The following MACROD2 variants were observed in gnomAD, a reference collection of about 807,000 sequenced individuals.
MACROD2 encodes ADP-ribose glycohydrolase MACROD2.
In MACROD2, 36 loss-of-function variants were observed where a neutral mutation model predicts 70.4. The observed-to-expected ratio is 0.51, with a 90% CI of 0.39 to 0.68. The LOEUF (loss-of-function observed/expected upper bound fraction) is 0.68, where lower values mean the gene tolerates loss of function less well. Ranked by LOEUF, MACROD2 falls within the 30% of genes least tolerant of loss-of-function variation. The probability of loss-of-function intolerance (pLI) is 0.00; values close to 1 mark genes in which losing one functional copy is unlikely to be tolerated. For synonymous variants in MACROD2, 172 were observed against 178.8 expected, an observed-to-expected ratio of 0.96 and a Z score of 0.30; for missense variants, 496 against 538.4, an observed-to-expected ratio of 0.92 and a Z score of 0.78.
At chr20:15,580,006 T>G (rs1167536710) in intron 8 of MACROD2, among the ~76,000 whole-genome samples, 1 of 152,218 alleles carries the variant, frequency 6.6e-6, no homozygotes, top group African/African-American at 2.4e-5. Flanking sequence ...TTAGTCTCCA[T>G]GTTGAGAAGA....
chr20:15,764,245 T>C (rs545054583), intron 8 of MACROD2, among the ~76,000 whole-genome samples: 2 of 152,364 alleles, frequency 1.3e-5, no homozygotes, highest in East Asian at 3.9e-4. Context: ...TCTTCTATTT[T>C]ATATTATTTT....
At chr20:15,434,407 CAT>C (rs149582440) in intron 7 of MACROD2, among the ~76,000 whole-genome samples, 4,364 of 151,882 alleles carry the variant, frequency 0.029, 212 homozygotes, top group African/African-American at 0.099. Context: ...AGCCAACAAA[CAT>C]GTGAAAAAAT....
chr20:15,383,590 G>T (rs1470223470), intron 6 of MACROD2, among the ~76,000 whole-genome samples: 4 of 152,142 alleles, frequency 2.6e-5, no homozygotes, highest in African/African-American at 9.7e-5. Context: ...ACTATAATTT[G>T]CTGGCTTTCA....
chr20:15,467,927 A>C (rs754812149), intron 7 of MACROD2, among the ~76,000 whole-genome samples: 2 of 152,184 alleles, frequency 1.3e-5, no homozygotes, highest in Non-Finnish European at 2.9e-5. Flanking sequence ...ATTGTATGCT[A>C]CTATTCAGTA....
chr20:15,621,478 A>G (rs1246229310), intron 8 of MACROD2, among the ~76,000 whole-genome samples: 4 of 152,372 alleles, frequency 2.6e-5, no homozygotes, highest in East Asian at 1.9e-4. Flanking sequence ...TTATTTAAAA[A>G]TATAAAAACT....
intron 3 of MACROD2, among the ~76,000 whole-genome samples, chr20:14,427,510 A>G (rs938034782): frequency 1.4e-4 from 21 of 151,222 alleles, no homozygotes; most frequent in African/African-American, 4.8e-4. Flanking sequence ...ATATATATGT[A>G]TGATATATAA....
intron 7 of MACROD2, among the ~76,000 whole-genome samples, chr20:15,458,489 C>G (rs1230428145): frequency 6.6e-6 from 1 of 151,976 alleles, no homozygotes; most frequent in African/African-American, 2.4e-5. Flanking sequence ...GTTAACACTC[C>G]AGGTATTTAA....
At chr20:15,536,101 G>T (rs2047871194) in intron 8 of MACROD2, among the ~76,000 whole-genome samples, 1 of 152,138 alleles carries the variant, frequency 6.6e-6, no homozygotes, top group Non-Finnish European at 1.5e-5. Flanking sequence ...CCTTCCACAC[G>T]ATACCGTTCC....
intron 3 of MACROD2, among the ~76,000 whole-genome samples, chr20:14,132,330 G>A (rs1333049234): frequency 3.3e-5 from 5 of 151,560 alleles, no homozygotes; most frequent in South Asian, 4.2e-4. Flanking sequence ...ATACAGGCAC[G>A]AGCCACCATG....
At chr20:15,679,426 T>C (rs770744658) in intron 8 of MACROD2, among the ~76,000 whole-genome samples, 9 of 152,014 alleles carry the variant, frequency 5.9e-5, no homozygotes, top group Non-Finnish European at 1.2e-4. Context: ...GCCTTTACTG[T>C]GGCAGCTAGC....
In MACROD2 at chr20:14,042,637, A is replaced by G. The variant is rs185642619; in HGVS notation, c.163+40233A>G. On this transcript the variant is annotated intron_variant, in intron 2 of 17. Transcript: ENST00000684519. ...TCTGCCTTAGCTTCAGTAGCTGGGA[A>G]TACAAGTACGTGCCATCATGTCCAG... 5.5e-3 allele frequency among the ~76,000 whole-genome samples: 840 copies of G among 152,286 alleles called. 11 individuals are homozygous for G. The highest frequency in any genetic ancestry group is 9.2e-3 in the Non-Finnish European group (627 of 68,000).
At chr20:14,462,356 C>T (rs1442234298) in intron 3 of MACROD2, among the ~76,000 whole-genome samples, 1 of 152,004 alleles carries the variant, frequency 6.6e-6, no homozygotes, top group East Asian at 1.9e-4. Flanking sequence ...CTGTTCATAT[C>T]CTTCACCCAC....
intron 3 of MACROD2, among the ~76,000 whole-genome samples, chr20:14,298,691 T>C (rs1329867950): frequency 6.6e-6 from 1 of 151,704 alleles, no homozygotes; most frequent in African/African-American, 2.4e-5. Context: ...CCATTCTAGA[T>C]AAGAACATTT....
At chr20:14,120,983 A>G (rs564983685) in intron 3 of MACROD2, among the ~76,000 whole-genome samples, 16 of 152,012 alleles carry the variant, frequency 1.1e-4, no homozygotes, top group African/African-American at 3.4e-4. Context: ...ATGTATACCT[A>G]TGTAACAAAC....
intron 4 of MACROD2, chr20:14,523,304 G>A (rs1337098212): frequency 1.3e-5 from 2 of 152,096 alleles, no homozygotes; most frequent in Admixed American, 6.5e-5. Context: ...CACACCAAGG[G>A]GGAAATGAAT....
At chr20:16,025,155 G>T (rs1221565215) in intron 15 of MACROD2, among the ~76,000 whole-genome samples, 1 of 152,196 alleles carries the variant, frequency 6.6e-6, no homozygotes, top group East Asian at 1.9e-4. Flanking sequence ...CTATGATAGG[G>T]AAAGTTTCTT....
At position 14,326,625 on chromosome 20, in the gene MACROD2, C is replaced by T. The variant is rs1402721931; in HGVS notation, c.272-166854C>T. On this transcript the variant is annotated intron_variant, in intron 3 of 17. Coordinates refer to ENST00000684519, the MANE Select transcript of MACROD2 (RefSeq NM_001351661.2). This position sits in a 1 kb window ranked among gnomAD's most constrained non-coding sequence, Gnocchi z 5.5. The stretch of plus-strand genomic sequence containing the variant: ...GAAGAATCAGTTGTGTTATATTGTC[C>T]AAATCATCAAAGATACCCTGAGGTA... 1.9e-6 allele frequency: 3 copies of T among 1,613,646 alleles called. No homozygotes were observed. In the African/African-American group the frequency reaches 4.0e-5, roughly 22 times the overall value.
At chr20:14,878,838 A>G (rs2073579442) in intron 5 of MACROD2, among the ~76,000 whole-genome samples, 1 of 152,128 alleles carries the variant, frequency 6.6e-6, no homozygotes. Context: ...TCAAAGGCCC[A>G]TCTGAAATGG....
chr20:14,231,763 A>G (rs1227718707), intron 3 of MACROD2, among the ~76,000 whole-genome samples: 15 of 152,226 alleles, frequency 9.9e-5, no homozygotes, highest in Non-Finnish European at 1.8e-4. Flanking sequence ...TCAACAGTGT[A>G]AAAGTGTTCC....
Sources: gnomAD v4.1 joint callset for allele counts (sites outside exome capture counted in the v4.1 genomes callset) on GRCh38, gnomAD v4.1.1 for gene constraint, Gnocchi (gnomAD v3.1) non-coding constraint, MANE v1.5 for transcripts, NCBI Gene and HGNC (gene_info 2026-07-23, HGNC 2026-07-21) for gene names.